Variants in ZNF534 observed in about 807,000 individuals in gnomAD.
ZNF534 encodes KRAB domain only 3.
In ZNF534, 19 loss-of-function variants were observed where a neutral mutation model predicts 13.6. That is an observed-to-expected ratio of 1.40 (90% CI 0.97 to 2.05). ZNF534 has a LOEUF of 2.05. Ranked by LOEUF, ZNF534 falls within the 30% of genes most tolerant of loss-of-function variation. The probability of loss-of-function intolerance (pLI) is 0.00; values close to 1 mark genes in which losing one functional copy is unlikely to be tolerated. For synonymous variants in ZNF534, 244 were observed against 273.8 expected, an observed-to-expected ratio of 0.89 and a Z score of 1.07; for missense variants, 782 against 796.3, an observed-to-expected ratio of 0.98 and a Z score of 0.22.
intron 1 of ZNF534, 70 bp downstream of exon 1, chr19:52,429,314 A>T (rs752379220): frequency 6.6e-6 from 1 of 152,220 alleles, no homozygotes; most frequent in Non-Finnish European, 1.5e-5. Context: ...CCGCGATCTG[A>T]GGGCTCATGC....
At chr19:52,435,591 C>G (rs1453017313) in intron 4 of ZNF534, among the ~76,000 whole-genome samples, 2 of 152,146 alleles carry the variant, frequency 1.3e-5, no homozygotes, top group African/African-American at 4.8e-5. Context: ...GCAGCCTCAC[C>G]TTCTGGGGCT....
chr19:52,447,658 G>C (rs1297979578), intron 4 of ZNF534, among the ~76,000 whole-genome samples: 1 of 151,978 alleles, frequency 6.6e-6, no homozygotes, highest in Non-Finnish European at 1.5e-5. Context: ...TTTTTATCAT[G>C]TTAATATCGT....
chr19:52,432,623 T>G (rs940641157), intron 2 of ZNF534, among the ~76,000 whole-genome samples: 22 of 152,058 alleles, frequency 1.4e-4, no homozygotes, highest in Admixed American at 1.3e-3. Context: ...CATTTTTTAT[T>G]TATTTTATTT....
rs1163779685 is a variant in ZNF534 at position 52,449,690 on chromosome 19, C to T, written c.272-1497C>T. 2.6e-5 allele frequency among the ~76,000 whole-genome samples: 4 copies of T among 152,016 alleles called. No homozygotes were observed. In the East Asian group the frequency reaches 7.7e-4, roughly 29 times the overall value. On this transcript the variant is annotated intron_variant, in intron 4 of 4. Transcript: ENST00000301085. ...TTGTATGTCTCCTTTTGAGAAATGT[C>T]TTTTCAGATAGTTGGTCCATTTTTT...
At position 52,438,941 on chromosome 19, in the gene ZNF534, A is replaced by G. The variant is rs552942998; in HGVS notation, c.1481A>G (p.Tyr494Cys). 6.3e-7 allele frequency: 1 copy of G among 1,596,608 alleles called. No homozygotes were observed. The highest frequency in any genetic ancestry group is 8.6e-7 in the Non-Finnish European group (1 of 1,169,430). Residue 494 changes from tyrosine to cysteine, a missense_variant, in exon 5 of 5, where the codon TAC becomes TGC. Tyr to Cys is a radical substitution (Grantham distance 194). This residue lies in a region of ZNF534 where 591 missense variants were observed against 574.0 expected (regional missense o/e 1.03). Coordinates refer to ENST00000433050, the MANE Select transcript of ZNF534 (RefSeq NM_001143938.3). ...HRKIHTGEKL[Y>C]KCNECGKVFR... Reference sequence around the variant, plus strand: ...AAAATTCATACTGGAGAGAAGCTTTACAAATGTAATGAATGTGGCAAGGTC... The same window carrying G: ...AAAATTCATACTGGAGAGAAGCTTTGCAAATGTAATGAATGTGGCAAGGTC...
At chr19:52,434,175 G>A (rs2059112695) in intron 3 of ZNF534, 94 bp downstream of exon 3, 1 of 1,523,850 alleles carries the variant, frequency 6.6e-7, no homozygotes, top group East Asian at 2.3e-5. Flanking sequence ...TGCATTGCTT[G>A]ACTGAGATTG....
At chr19:52,435,404 G>A (rs534047109) in intron 4 of ZNF534, among the ~76,000 whole-genome samples, 195 bp downstream of exon 4, 1 of 152,036 alleles carries the variant, frequency 6.6e-6, no homozygotes, top group Non-Finnish European at 1.5e-5. Context: ...ACTCTGCAGA[G>A]CCACACTATT....
chr19:52,438,268 T>C lies in ZNF534; in HGVS notation c.808T>C (p.Tyr270His). The change falls in exon 5 of 5, where the codon TAC (tyrosine) becomes CAC (histidine). Residue 270 changes from tyrosine to histidine, a missense_variant. Tyr to His is a moderately conservative substitution (Grantham distance 83). This residue lies in a region of ZNF534 where 591 missense variants were observed against 574.0 expected (regional missense o/e 1.03). Coordinates refer to ENST00000433050, the MANE Select transcript of ZNF534 (RefSeq NM_001143938.3). ...GAAAATTCATACTGGACAGAAACCTTACAATAACAAAGAATGTGGGAAAGT... is the reference window on the plus strand; with the variant it reads ...GAAAATTCATACTGGACAGAAACCTCACAATAACAAAGAATGTGGGAAAGT... ...HQKIHTGQKP[Y>H]NNKECGKVFS... is the part of the protein sequence containing the mutation. 3 of 1,605,464 alleles carry C rather than the reference T, an allele frequency of 1.9e-6. No homozygotes were observed. The highest frequency in any genetic ancestry group is 2.6e-6 in the Non-Finnish European group (3 of 1,173,368).
chr19:52,451,532 C>T, exon 5 of ZNF534: 1 of 599,972 alleles, frequency 1.7e-6, no homozygotes. Flanking sequence ...GCGGGCCCAG[C>T]CCGCGGAGGA....
downstream of ZNF534, among the ~76,000 whole-genome samples, chr19:52,443,992 T>G (rs1337976111): frequency 6.6e-6 from 1 of 152,070 alleles, no homozygotes; most frequent in Non-Finnish European, 1.5e-5. Context: ...TCTGAATTAT[T>G]TTTCAGGTAA....
At chr19:52,431,545 G>A in intron 2 of ZNF534, 56 bp downstream of exon 2, 2 of 1,609,886 alleles carry the variant, frequency 1.2e-6, no homozygotes, top group Non-Finnish European at 8.5e-7. Flanking sequence ...GAAATGCCAG[G>A]CATTGGAGTT....
At chr19:52,444,128 G>GAC (rs2059185975), downstream of ZNF534, among the ~76,000 whole-genome samples, 1 of 21,392 alleles carries the variant, frequency 4.7e-5, no homozygotes, top group Non-Finnish European at 2.2e-4. Context: ...CATTTGGGTA[G>GAC]GCTGTCAGAG....
In ZNF534 at chr19:52,440,720, G is replaced by A. The variant is rs2059166546; in HGVS notation, c.*1274G>A. On this transcript the variant is annotated 3_prime_UTR_variant, in exon 5 of 5. Transcript: ENST00000433050. The stretch of plus-strand genomic sequence containing the variant: ...CACTTAAACCCAGGAGATGGAGGTT[G>A]CAGTGAGCCAAGAATGCGCTACTAC... Among the ~76,000 whole-genome samples the A allele has an allele frequency of 1.3e-5, 2 of 151,208 alleles. No homozygotes were observed. The highest frequency in any genetic ancestry group is 4.2e-4 in the South Asian group (2 of 4,786).
Position 52,438,601 on chromosome 19 carries a change from C to G in ZNF534, c.1141C>G (p.Pro381Ala). 1 of 1,588,320 alleles carries G rather than the reference C, an allele frequency of 6.3e-7. No individual in the cohort carries two copies. Among genetic ancestry groups the G allele is most frequent in the Non-Finnish European group, 8.6e-7 (1 of 1,165,768 alleles). ...TCGGAAAGTTCATACTGGAGAGAAA[C>G]CTTACAAATGTAATGAGTGTGGCAA... ...RHRKVHTGEKPYKCNECGKVF... is the reference protein window; with the variant it reads ...RHRKVHTGEKAYKCNECGKVF... The change falls in exon 5 of 5, where the codon CCT becomes GCT. Residue 381 changes from proline (P) to alanine (A), a missense_variant. Around this residue, in one of 5 missense-constraint regions of ZNF534, gnomAD observed 591 missense variants for 574.0 expected, o/e 1.03. Coordinates refer to ENST00000433050, the MANE Select transcript of ZNF534 (RefSeq NM_001143938.3).
chr19:52,439,323 T>G lies in ZNF534; in HGVS notation c.1863T>G (p.Leu621=). ...CSKVFSRNSR[L]AQHRNIHTGV... is the part of the protein sequence containing the mutation. Reference sequence around the variant, plus strand: ...AGGTCTTCAGTCGGAATTCACGCCTTGCACAACATAGGAATATTCATACTG... The same window carrying G: ...AGGTCTTCAGTCGGAATTCACGCCTGGCACAACATAGGAATATTCATACTG... The change falls in exon 5 of 5, where the codon CTT becomes CTG. Residue 621 remains leucine (L), a synonymous_variant. Transcript: ENST00000433050. 6.4e-7 allele frequency: 1 copy of G among 1,554,932 alleles called. No individual in the cohort carries two copies. Among genetic ancestry groups the G allele is most frequent in the Non-Finnish European group, 8.7e-7 (1 of 1,148,826 alleles).
chr19:52,431,395 T>C lies in ZNF534; in HGVS notation c.-67-13T>C. On this transcript the variant is annotated splice_polypyrimidine_tract_variant and intron_variant, in intron 1 of 4. Coordinates refer to ENST00000433050, the MANE Select transcript of ZNF534 (RefSeq NM_001143938.3). ...TGATTCTAAGCCCTAAACAGCATTA[T>C]TTTTGATACTAGGATTCACTTTCAA... 6.3e-7 allele frequency: 1 copy of C among 1,594,028 alleles called. No individual in the cohort carries two copies. The highest frequency in any genetic ancestry group is 1.7e-5 in the Admixed American group (1 of 59,538).
chr19:52,438,114 CTG>C lies in ZNF534; in HGVS notation c.657_658del (p.Cys219TrpfsTer5), dbSNP rs1421092851. On this transcript the variant is annotated frameshift_variant, in exon 5 of 5. Coordinates refer to ENST00000433050, the MANE Select transcript of ZNF534 (RefSeq NM_001143938.3). LOFTEE classifies it low-confidence loss of function (END_TRUNC). ...IADKTYKCSDCGEIFSSNSNF... is the reference protein window; with the variant it reads ...IADKTYKCSDXGEIFSSNSNF... ...CAGATAAAACTTACAAATGTAGTGA[CTG>C]TGGCGAGATCTTTAGTAGCAATTCA... The C allele has an allele frequency of 2.5e-6, 4 of 1,613,974 alleles. No homozygotes were observed. Among genetic ancestry groups the C allele is most frequent in the South Asian group, 1.1e-5 (1 of 91,086 alleles).
chr19:52,436,237 CCTTATTTTT>C (rs2059128277), intron 4 of ZNF534, among the ~76,000 whole-genome samples: 1 of 152,072 alleles, frequency 6.6e-6, no homozygotes, highest in Admixed American at 6.6e-5. Context: ...CGTGCCCGGC[CCTTATTTTT>C]CTTTAAGCAC....
chr19:52,442,832 C>A (rs1453375555), downstream of ZNF534, among the ~76,000 whole-genome samples: 3 of 152,184 alleles, frequency 2.0e-5, no homozygotes, highest in African/African-American at 7.2e-5. Flanking sequence ...TAAATATTGT[C>A]TGATTTAGAC....
Sources: gnomAD v4.1 joint callset for allele counts (sites outside exome capture counted in the v4.1 genomes callset) on GRCh38, gnomAD v4.1.1 for gene constraint, gnomAD v4.1.1 regional missense constraint, MANE v1.5 for transcripts, NCBI Gene and HGNC (gene_info 2026-07-23, HGNC 2026-07-21) for gene names.